Variants in ATG16L2 observed in about 807,000 individuals in gnomAD.
ATG16L2 encodes the protein protein Atg16l2.
A neutral mutation model predicts 84.7 loss-of-function variants in ATG16L2; 77 were observed. The observed-to-expected ratio is 0.91, with a 90% CI of 0.76 to 1.10. The LOEUF is 1.10. Ranked by LOEUF, ATG16L2 falls within the 50% of genes least tolerant of loss-of-function variation. The pLI is 0.00. For synonymous variants in ATG16L2, 361 were observed against 342.8 expected (o/e 1.05, Z -0.59); for missense variants, 782 against 817.6 (o/e 0.96, Z 0.53).
At chr11:72,816,938 T>G in intron 2 of ATG16L2, 111 bp downstream of exon 2, 1 of 375,736 alleles carries the variant, frequency 2.7e-6, no homozygotes, top group Non-Finnish European at 5.2e-6. Flanking sequence ...CCTTGGCTGC[T>G]GCCCAGGGGT....
At position 72,822,787 on chromosome 11, in the gene ATG16L2, C is replaced by G; in HGVS notation, c.711-61C>G. 7 of 1,300,794 alleles carry G rather than the reference C, an allele frequency of 5.4e-6. No individual in the cohort carries two copies. Among genetic ancestry groups the G allele is most frequent in the South Asian group, 2.7e-5 (2 of 75,174 alleles). 80.6% of individuals were successfully genotyped at this position (1,300,794 alleles called of 1,614,324 possible). ...ATTCCTGTCTTCAGCGTATCCTGTG[C>G]TGGGGTCGGGAGGGGCTGGCTTGGT... On this transcript the variant is annotated intron_variant, in intron 6 of 17. Coordinates refer to ENST00000321297, the MANE Select transcript of ATG16L2 (RefSeq NM_033388.2). The surrounding 1 kb of genome is among the most constrained non-coding windows in gnomAD (Gnocchi z 4.2).
chr11:72,827,333 G>A, intron 14 of ATG16L2, 40 bp downstream of exon 14: 7 of 1,501,374 alleles, frequency 4.7e-6, no homozygotes, highest in Non-Finnish European at 5.6e-6. Flanking sequence ...GGGAGGGCTG[G>A]GGACAGGGCT....
chr11:72,819,751 CT>C (rs778469920), intron 3 of ATG16L2, among the ~76,000 whole-genome samples: 224 of 146,350 alleles, frequency 1.5e-3, no homozygotes, highest in Admixed American at 2.4e-3. Flanking sequence ...TCTTTTCTTT[CT>C]TTTTTTTTTT....
At chr11:72,826,084 G>T in intron 10 of ATG16L2, 89 bp from the exon 11 acceptor site, 2 of 1,078,356 alleles carry the variant, frequency 1.9e-6, no homozygotes, top group South Asian at 1.4e-5. Flanking sequence ...GGGGTGGGGC[G>T]GGAACTGATC....
chr11:72,834,787 G>C (rs1860684519), intron 5 of ATG16L2, among the ~76,000 whole-genome samples: 1 of 152,194 alleles, frequency 6.6e-6, no homozygotes, highest in South Asian at 2.1e-4. Flanking sequence ...TTTCCATTAT[G>C]TTGGTCAGGC....
Position 72,816,605 on chromosome 11 carries a change from A to G in ATG16L2, c.119-123A>G. 4.0e-6 allele frequency: 3 copies of G among 755,602 alleles called. No homozygotes were observed. In the East Asian group the frequency reaches 7.8e-5, roughly 20 times the overall value. 46.8% of individuals were successfully genotyped at this position (755,602 alleles called of 1,614,324 possible). On this transcript the variant is annotated intron_variant, in intron 1 of 17. Transcript: ENST00000321297. Reference sequence around the variant, plus strand: ...GGCACAGGGCAGAGGCCAGCCTGCCAGAAGCTTCCCCATCCCTAGCATCTC... The same window carrying G: ...GGCACAGGGCAGAGGCCAGCCTGCCGGAAGCTTCCCCATCCCTAGCATCTC...
rs1591302272 is a variant in ATG16L2 at position 72,822,176 on chromosome 11, G to T, written c.525G>T (p.Gly175=). The change falls in exon 5 of 18, where the codon GGG becomes GGT. Residue 175 remains glycine, a synonymous_variant. Coordinates refer to ENST00000321297, the MANE Select transcript of ATG16L2 (RefSeq NM_033388.2). The surrounding 1 kb of genome is among the most constrained non-coding windows in gnomAD (Gnocchi z 4.2). ...AAYEALRAHV[G]LREAALRRLQ... ...ACGAGGCGCTGCGCGCGCACGTCGG[G>T]CTCCGGGAGGCGGCACTGCGCAGGC... The T allele has an allele frequency of 6.7e-7, 1 of 1,497,646 alleles. No homozygotes were observed. Among genetic ancestry groups the T allele is most frequent in the Non-Finnish European group, 8.8e-7 (1 of 1,133,494 alleles). 92.8% of individuals were successfully genotyped at this position (1,497,646 alleles called of 1,614,324 possible). A position where few individuals can be genotyped will look rare whatever the true frequency, so the allele number is the denominator to read the frequency against.
At chr11:72,829,247 AG>A in intron 17 of ATG16L2, 55 bp from the exon 18 acceptor site, 1 of 1,579,268 alleles carries the variant, frequency 6.3e-7, no homozygotes, top group South Asian at 1.1e-5. Context: ...GGGCAGAGCC[AG>A]GTTGCAGGCG....
intron 5 of ATG16L2, chr11:72,837,165 A>G (rs977465471): frequency 6.6e-6 from 1 of 152,228 alleles, no homozygotes; most frequent in African/African-American, 2.4e-5. Context: ...TTTCTTTTTT[A>G]AACTTAAGAA....
rs1565266871 is a variant in ATG16L2, at chr11:72,824,123, G to T, written c.887+1G>T. Reference sequence around the variant, plus strand: ...TGGATGTGGTGAAGGGGCTTCTGGAGTAAGTGTGTGTGTGCCTGTGTGTGC... The same window carrying T: ...TGGATGTGGTGAAGGGGCTTCTGGATTAAGTGTGTGTGTGCCTGTGTGTGC... On this transcript the variant is annotated splice_donor_variant, in intron 8 of 17. Transcript: ENST00000321297. LOFTEE classifies it high-confidence loss of function. 6.2e-7 allele frequency: 1 copy of T among 1,614,006 alleles called. No individual in the cohort carries two copies. Among genetic ancestry groups the T allele is most frequent in the Non-Finnish European group, 8.5e-7 (1 of 1,179,962 alleles).
At chr11:72,825,826 A>C (rs1326993801) in intron 10 of ATG16L2, among the ~76,000 whole-genome samples, 1 of 151,978 alleles carries the variant, frequency 6.6e-6, no homozygotes, top group African/African-American at 2.4e-5. Flanking sequence ...TGCTCTGGAG[A>C]GGGGGTGTCC....
chr11:72,838,483 C>A, intron 5 of ATG16L2: 1 of 412,884 alleles, frequency 2.4e-6, no homozygotes, highest in Non-Finnish European at 4.5e-6. Flanking sequence ...TGGAATGAGG[C>A]CTGTTCTTGA....
In ATG16L2 at chr11:72,829,483, G is replaced by A. The variant is rs1486630824; in HGVS notation, c.*93G>A. 6.7e-6 allele frequency: 10 copies of A among 1,494,618 alleles called. No homozygotes were observed. The highest frequency in any genetic ancestry group is 2.8e-5 in the African/African-American group (2 of 71,894). The allele number at this position is 1,494,618 out of a possible 1,614,324, so 92.6% of individuals were successfully genotyped here. A position where few individuals can be genotyped will look rare whatever the true frequency, so the allele number is the denominator to read the frequency against. ...GGGGTTGGGGTTGGGACTGGAGCTG[G>A]CCTTGGGATTTAATGGGGAAGAAGG... On this transcript the variant is annotated 3_prime_UTR_variant, in exon 18 of 18. Coordinates refer to ENST00000321297, the MANE Select transcript of ATG16L2 (RefSeq NM_033388.2).
chr11:72,829,876 G>A (rs1860567745), downstream of ATG16L2, among the ~76,000 whole-genome samples: 1 of 152,166 alleles, frequency 6.6e-6, no homozygotes, highest in Non-Finnish European at 1.5e-5. Context: ...TGAGGCCAAA[G>A]CAACATGTTG....
At chr11:72,821,403 A>G in intron 3 of ATG16L2, 1 of 1,278,340 alleles carries the variant, frequency 7.8e-7, no homozygotes, top group Non-Finnish European at 9.9e-7. Flanking sequence ...CTCTTGCCAG[A>G]GAGGTTCCTA....
intron 14 of ATG16L2, among the ~76,000 whole-genome samples, chr11:72,827,627 G>A (rs533340953): frequency 1.3e-5 from 2 of 152,278 alleles, no homozygotes; most frequent in African/African-American, 2.4e-5. Flanking sequence ...CTAACTTTGG[G>A]CTTGAATTGT....
In ATG16L2 at chr11:72,841,457, T is replaced by C. The variant is rs753359718; in HGVS notation, c.*22-1160T>C. On this transcript the variant is annotated intron_variant, in intron 5 of 5. Transcript: ENST00000534905. Reference sequence around the variant, plus strand: ...CCATGCCCAGGAGAACCCTTACCGTTTGCTGAAGGAGACCGGGGAAAGTAC... The same window carrying C: ...CCATGCCCAGGAGAACCCTTACCGTCTGCTGAAGGAGACCGGGGAAAGTAC... The C allele has an allele frequency of 8.1e-6, 13 of 1,611,098 alleles. No individual in the cohort carries two copies. In the East Asian group the frequency reaches 2.9e-4, roughly 36 times the overall value.
At chr11:72,829,233 G>T in intron 17 of ATG16L2, 70 bp from the exon 18 acceptor site, 1 of 1,540,954 alleles carries the variant, frequency 6.5e-7, no homozygotes, top group Non-Finnish European at 8.9e-7. Context: ...AGGTCCAGCA[G>T]TCGGGGCAGA....
At chr11:72,829,269 AG>A (rs760685701) in intron 17 of ATG16L2, 33 bp from the exon 18 acceptor site, 2 of 1,606,052 alleles carry the variant, frequency 1.2e-6, no homozygotes, top group Non-Finnish European at 1.7e-6. Context: ...CAGTTCCTGA[AG>A]CCCCCCTGAA....
Sources: gnomAD v4.1 joint callset for allele counts (sites outside exome capture counted in the v4.1 genomes callset) on GRCh38, gnomAD v4.1.1 for gene constraint, Gnocchi (gnomAD v3.1) non-coding constraint, MANE v1.5 for transcripts, NCBI Gene and HGNC (gene_info 2026-07-23, HGNC 2026-07-21) for gene names.